The following CCDC18 variants were observed in gnomAD, a reference collection of about 807,000 sequenced individuals.
CCDC18 encodes coiled-coil domain containing 18.
In CCDC18, 157 loss-of-function variants were observed where a neutral mutation model predicts 196.0. The ratio of observed to expected loss-of-function variants is 0.80; its 90% CI spans 0.70 to 0.91. The LOEUF is 0.91. Ranked by LOEUF, CCDC18 falls within the 40% of genes least tolerant of loss-of-function variation. The pLI is 0.00. For synonymous variants in CCDC18, 482 were observed against 529.2 expected, an observed-to-expected ratio of 0.91 and a Z score of 1.22; for missense variants, 1,465 against 1,611.6, an observed-to-expected ratio of 0.91 and a Z score of 1.56.
rs1459583148 is a variant in CCDC18, at chr1:93,257,244, A to C, written c.3546+706A>C. ...AAGACTCCATCTCAAAAAAAAAAAA[A>C]AAAAAAAAAAAAAAACATGAAAACT... On this transcript the variant is annotated intron_variant, in intron 25 of 28. Transcript: ENST00000690025. Among the ~76,000 whole-genome samples, 23 of 144,818 alleles carry C rather than the reference A, an allele frequency of 1.6e-4. 1 individual carries two copies. Among genetic ancestry groups the C allele is most frequent in the South Asian group, 6.4e-4 (3 of 4,716 alleles).
At chr1:93,234,435 C>T (rs1006860981) in intron 18 of CCDC18, among the ~76,000 whole-genome samples, 2 of 152,102 alleles carry the variant, frequency 1.3e-5, no homozygotes, top group African/African-American at 4.8e-5. Context: ...GCTGGGATTA[C>T]AGGCGTGAGC....
chr1:93,211,372 G>C lies in CCDC18; in HGVS notation c.1334+446G>C, dbSNP rs141313554. ...CAGGTATCTGTGATTCCACAACTAA[G>C]AATTGAATCTTCTTAACCAGGATTG... On this transcript the variant is annotated intron_variant, in intron 10 of 28. Transcript: ENST00000690025. Among the ~76,000 whole-genome samples, 354 of 151,670 alleles carry C rather than the reference G, an allele frequency of 2.3e-3. 1 individual carries two copies. The highest frequency in any genetic ancestry group is 0.017 in the Middle Eastern group (5 of 292).
In CCDC18 at chr1:93,214,086, C is replaced by T. The variant is rs755973862; in HGVS notation, c.1496-657C>T. On this transcript the variant is annotated intron_variant, in intron 11 of 28. Coordinates refer to ENST00000690025, the MANE Select transcript of CCDC18 (RefSeq NM_001378204.1). Reference sequence around the variant, plus strand: ...AGAAGGGGCATGGTCAAGTAACTACCTCTGATAACCCTCAGTAATTTTTTT... The same window carrying T: ...AGAAGGGGCATGGTCAAGTAACTACTTCTGATAACCCTCAGTAATTTTTTT... 5.2e-4 allele frequency among the ~76,000 whole-genome samples: 79 copies of T among 152,260 alleles called. 1 individual carries two copies. The highest frequency in any genetic ancestry group is 3.4e-3 in the Middle Eastern group (1 of 294).
At chr1:93,193,887 A>T (rs1294256467) in intron 6 of CCDC18, 143 bp downstream of exon 6, 3 of 547,604 alleles carry the variant, frequency 5.5e-6, no homozygotes, top group African/African-American at 4.0e-5. Context: ...TTATCTATTA[A>T]TTTTTTTAAA....
chr1:93,218,290 C>A (rs887195784), intron 14 of CCDC18, among the ~76,000 whole-genome samples: 2 of 152,142 alleles, frequency 1.3e-5, no homozygotes, highest in African/African-American at 4.8e-5. Flanking sequence ...CATTCCAAGA[C>A]CTTCAGTGAA....
intron 27 of CCDC18, among the ~76,000 whole-genome samples, chr1:93,267,884 G>A (rs1230315311): frequency 2.6e-5 from 4 of 152,116 alleles, no homozygotes; most frequent in Non-Finnish European, 5.9e-5. Context: ...TAGATTCAAT[G>A]CCATCTCCAT....
At chr1:93,180,199 GC>G, upstream of CCDC18, 3 of 1,613,204 alleles carry the variant, frequency 1.9e-6, no homozygotes, top group Middle Eastern at 1.7e-4. Flanking sequence ...AGGCAGAGCG[GC>G]CAGAAGGAGC....
intron 6 of CCDC18, among the ~76,000 whole-genome samples, chr1:93,197,745 C>CTTTTTTTTTTTTTTTT (rs71094240): frequency 2.6e-4 from 20 of 76,016 alleles, no homozygotes; most frequent in Admixed American, 5.6e-4. Flanking sequence ...CTTTTCTTTT[C>CTTTTTTTTTTTTTTTT]TTTTTTTTTT....
intron 6 of CCDC18, among the ~76,000 whole-genome samples, chr1:93,198,975 G>A (rs1421320589): frequency 6.6e-6 from 1 of 152,212 alleles, no homozygotes; most frequent in African/African-American, 2.4e-5. Context: ...TGTATTTGGG[G>A]TTTGTTTTAA....
intron 6 of CCDC18, among the ~76,000 whole-genome samples, chr1:93,197,449 C>G (rs866227224): frequency 7.9e-5 from 12 of 151,962 alleles, no homozygotes; most frequent in African/African-American, 2.9e-4. Flanking sequence ...AAATAAAATT[C>G]TCAGCAAAAT....
intron 28 of CCDC18, among the ~76,000 whole-genome samples, chr1:93,273,740 T>C (rs562254421): frequency 4.8e-4 from 73 of 152,308 alleles, no homozygotes; most frequent in African/African-American, 1.7e-3. Flanking sequence ...CTTGCAGTCA[T>C]AGATATGCAA....
chr1:93,184,261 A>G (rs1008615566), intron 3 of CCDC18, 115 bp downstream of exon 3: 14 of 354,576 alleles, frequency 3.9e-5, no homozygotes, highest in Non-Finnish European at 5.3e-5. Context: ...TTTTCTTTAA[A>G]TACCTTATTC....
intron 4 of CCDC18, chr1:93,191,086 A>T: frequency 3.7e-6 from 2 of 536,090 alleles, no homozygotes; most frequent in Non-Finnish European, 6.3e-6. Context: ...ATCAGCAAGG[A>T]GATTTTTTTT....
At chr1:93,243,354 C>T (rs111512944) in intron 21 of CCDC18, among the ~76,000 whole-genome samples, 198 of 152,274 alleles carry the variant, frequency 1.3e-3, no homozygotes, top group African/African-American at 4.2e-3. Context: ...GTCCTTTTTC[C>T]GCCACAGCTA....
At chr1:93,239,959 G>T in intron 21 of CCDC18, 63 bp downstream of exon 21, 1 of 1,148,548 alleles carries the variant, frequency 8.7e-7, no homozygotes, top group Non-Finnish European at 1.3e-6. Context: ...AATAAAATAT[G>T]TTGTTGCATT....
chr1:93,179,961 G>C, upstream of CCDC18: 1 of 1,369,774 alleles, frequency 7.3e-7, no homozygotes, highest in Admixed American at 2.3e-5. Context: ...TTCACCACCA[G>C]GGCCGTCCAC....
Position 93,216,634 on chromosome 1 carries a change from A to T in CCDC18, c.1720-2A>T. The stretch of plus-strand genomic sequence containing the variant: ...TTTACATTTATTTCAATGTGTTTTC[A>T]GATGACAAAGAAATGTTCTCAACTT... On this transcript the variant is annotated splice_acceptor_variant, in intron 12 of 28. Transcript: ENST00000690025. LOFTEE classifies it high-confidence loss of function. 4.9e-6 allele frequency: 7 copies of T among 1,441,066 alleles called. No homozygotes were observed. Among genetic ancestry groups the T allele is most frequent in the Non-Finnish European group, 6.7e-6 (7 of 1,051,478 alleles). The allele number at this position is 1,441,066 out of a possible 1,614,324, so 89.3% of individuals were successfully genotyped here.
chr1:93,205,997 G>T (rs537715704), intron 8 of CCDC18, among the ~76,000 whole-genome samples: 2 of 152,110 alleles, frequency 1.3e-5, no homozygotes, highest in South Asian at 4.1e-4. Flanking sequence ...ACCTAGTCCA[G>T]ACTTCTCATT....
At chr1:93,237,710 G>A (rs1332696205) in intron 19 of CCDC18, among the ~76,000 whole-genome samples, 1 of 151,974 alleles carries the variant, frequency 6.6e-6, no homozygotes, top group Non-Finnish European at 1.5e-5. Flanking sequence ...TTCTTTAGAC[G>A]GCCTGACTTA....
Sources: allele counts gnomAD v4.1 joint callset (sites outside exome capture counted in the v4.1 genomes callset), GRCh38; gene constraint gnomAD v4.1.1; transcripts MANE v1.5; gene names NCBI Gene and HGNC (gene_info 2026-07-23, HGNC 2026-07-21).